ITGA6: variants seen among roughly 807,000 people sequenced by gnomAD.
ITGA6 encodes the protein integrin subunit alpha 6, also known as integrin alpha-6.
Under a neutral mutation model 133.6 loss-of-function variants are expected in ITGA6, and 63 were observed. That is an observed-to-expected ratio of 0.47 (90% confidence interval 0.38 to 0.58). ITGA6 has a LOEUF of 0.58. Among genes scored for constraint, ITGA6 ranks in the 20% least tolerant of loss-of-function variants. The probability of loss-of-function intolerance (pLI) is 0.00; values close to 1 mark genes in which losing one functional copy is unlikely to be tolerated. For missense variants in ITGA6, 1,068 were observed against 1,309.4 expected (o/e 0.82, Z 2.85); for synonymous variants, 434 against 482.0 (o/e 0.90, Z 1.30).
chr2:172,433,717 C>T (rs1684202899), intron 1 of ITGA6, among the ~76,000 whole-genome samples: 1 of 152,148 alleles, frequency 6.6e-6, no homozygotes, highest in Non-Finnish European at 1.5e-5. Flanking sequence ...TGGTTTTCAT[C>T]ACGTTTAAAG....
chr2:172,435,617 T>C (rs909952952), intron 1 of ITGA6, among the ~76,000 whole-genome samples: 1 of 100,520 alleles, frequency 9.9e-6, no homozygotes, highest in Non-Finnish European at 1.8e-5. Context: ...GTTTTGTTTC[T>C]TTTTTTTTTT....
chr2:172,503,008 A>G (rs1687407968), intron 25 of ITGA6, among the ~76,000 whole-genome samples: 1 of 152,038 alleles, frequency 6.6e-6, no homozygotes, highest in Non-Finnish European at 1.5e-5. Context: ...TGTAGAAATG[A>G]CCTGGAACAA....
chr2:172,506,185 A>ATAAAAGTGT lies in ITGA6; in HGVS notation c.*2119_*2127dup, dbSNP rs1687554532. On this transcript the variant is annotated 3_prime_UTR_variant, in exon 26 of 26. Coordinates refer to ENST00000684293, the MANE Select transcript of ITGA6 (RefSeq NM_000210.4). Reference sequence around the variant, plus strand: ...TATAAAAGTGTGAAATAAATTTTTTATAAAAGTGTTCATTGTTTCGTAACA... The same window carrying ATAAAAGTGT: ...TATAAAAGTGTGAAATAAATTTTTTATAAAAGTGTTAAAAGTGTTCATTGTTTCGTAACA... 6.5e-6 allele frequency: 1 copy of ATAAAAGTGT among 152,672 alleles called. No homozygotes were observed. The highest frequency in any genetic ancestry group is 1.5e-5 in the Non-Finnish European group (1 of 68,036). 9.5% of individuals were successfully genotyped at this position (152,672 alleles called of 1,614,324 possible). A position where few individuals can be genotyped will look rare whatever the true frequency, so the allele number is the denominator to read the frequency against.
At chr2:172,438,685 C>T (rs1684421940) in intron 1 of ITGA6, among the ~76,000 whole-genome samples, 1 of 151,852 alleles carries the variant, frequency 6.6e-6, no homozygotes, top group Admixed American at 6.6e-5. Context: ...CAACATCAGC[C>T]TTTACTGTTA....
intron 24 of ITGA6, among the ~76,000 whole-genome samples, chr2:172,498,528 G>C (rs1687222706): frequency 6.6e-6 from 1 of 152,192 alleles, no homozygotes; most frequent in Non-Finnish European, 1.5e-5. Context: ...TATGCTTACA[G>C]CTAGATTTGG....
At chr2:172,488,408 C>T (rs1333685152) in intron 19 of ITGA6, among the ~76,000 whole-genome samples, 180 bp downstream of exon 19, 1 of 152,206 alleles carries the variant, frequency 6.6e-6, no homozygotes, top group Admixed American at 6.5e-5. Context: ...ATTTTATCCT[C>T]CAGGATGGAG....
At chr2:172,433,354 G>A (rs78086057) in intron 1 of ITGA6, among the ~76,000 whole-genome samples, 2,606 of 152,256 alleles carry the variant, frequency 0.017, 29 homozygotes, top group South Asian at 0.038. Context: ...AGTCTTCTTC[G>A]TTTGAGTCAG....
intron 1 of ITGA6, among the ~76,000 whole-genome samples, chr2:172,462,022 G>T (rs1265779484): frequency 6.6e-6 from 1 of 152,218 alleles, no homozygotes; most frequent in Non-Finnish European, 1.5e-5. Flanking sequence ...GGTTCCAGGC[G>T]AATTAAGAGC....
intron 2 of ITGA6, 33 bp downstream of exon 2, chr2:172,465,696 C>G: frequency 1.2e-6 from 2 of 1,613,970 alleles, no homozygotes; most frequent in Non-Finnish European, 1.7e-6. Context: ...GCGTTCACTC[C>G]GGCAGCTTGC....
At chr2:172,466,635 A>G (rs1195169785) in intron 2 of ITGA6, among the ~76,000 whole-genome samples, 1 of 152,112 alleles carries the variant, frequency 6.6e-6, no homozygotes, top group East Asian at 1.9e-4. Context: ...AAGAAATAAC[A>G]TGTGTTCTTT....
At chr2:172,462,405 G>A (rs1685465150) in intron 1 of ITGA6, among the ~76,000 whole-genome samples, 1 of 152,204 alleles carries the variant, frequency 6.6e-6, no homozygotes, top group Non-Finnish European at 1.5e-5. Context: ...TATTCTCTGT[G>A]GGTACATTTC....
intron 19 of ITGA6, among the ~76,000 whole-genome samples, chr2:172,488,973 C>T (rs946221133): frequency 2.6e-5 from 4 of 152,086 alleles, no homozygotes; most frequent in Non-Finnish European, 5.9e-5. Context: ...TGGCTTCTGC[C>T]GCAGGACGTC....
At chr2:172,438,634 G>A (rs1019442204) in intron 1 of ITGA6, among the ~76,000 whole-genome samples, 1 of 151,822 alleles carries the variant, frequency 6.6e-6, no homozygotes, top group South Asian at 2.1e-4. Flanking sequence ...AACATTAAAG[G>A]TGAGGATAAA....
At position 172,450,897 on chromosome 2, in the gene ITGA6, A is replaced by G. The variant is rs368353157; in HGVS notation, c.183-14642A>G. On this transcript the variant is annotated intron_variant, in intron 1 of 25. Coordinates refer to ENST00000684293, the MANE Select transcript of ITGA6 (RefSeq NM_000210.4). ...TATATTTATATATTTATATACAAATATATATTTATATTATATATAAATTAT... is the reference window on the plus strand; with the variant it reads ...TATATTTATATATTTATATACAAATGTATATTTATATTATATATAAATTAT... Among the ~76,000 whole-genome samples the G allele has an allele frequency of 7.1e-4, 104 of 147,026 alleles. No individual in the cohort carries two copies. In the East Asian group the frequency reaches 0.017, roughly 23 times the overall value.
chr2:172,429,765 G>C (rs1236444084), intron 1 of ITGA6, among the ~76,000 whole-genome samples: 1 of 152,200 alleles, frequency 6.6e-6, no homozygotes, highest in African/African-American at 2.4e-5. Flanking sequence ...GAGAGGCCCC[G>C]TATAAGGAGA....
At chr2:172,495,946 C>G (rs944838006) in intron 23 of ITGA6, among the ~76,000 whole-genome samples, 1 of 152,242 alleles carries the variant, frequency 6.6e-6, no homozygotes, top group African/African-American at 2.4e-5. Context: ...AGTTTCCACT[C>G]TCCACTTCCA....
At chr2:172,429,820 A>C (rs1684035870) in intron 1 of ITGA6, among the ~76,000 whole-genome samples, 1 of 152,178 alleles carries the variant, frequency 6.6e-6, no homozygotes, top group Non-Finnish European at 1.5e-5. Flanking sequence ...CACTTTAAAG[A>C]GGCTGTGGTT....
chr2:172,471,134 GC>G, intron 5 of ITGA6, 29 bp downstream of exon 5: 1 of 1,613,888 alleles, frequency 6.2e-7, no homozygotes. Flanking sequence ...GGCTGCCTTT[GC>G]CCACCTTCTC....
chr2:172,475,560 C>T (rs776622079), intron 7 of ITGA6, 37 bp from the exon 8 acceptor site: 15 of 1,068,364 alleles, frequency 1.4e-5, no homozygotes, highest in Admixed American at 3.4e-5. Flanking sequence ...GTTTCTAAAG[C>T]GTTTGTTAAA....
Sources: allele counts gnomAD v4.1 joint callset (sites outside exome capture counted in the v4.1 genomes callset), GRCh38; gene constraint gnomAD v4.1.1; transcripts MANE v1.5; gene names NCBI Gene and HGNC (gene_info 2026-07-23, HGNC 2026-07-21).